TNIP3: variants seen among roughly 807,000 people sequenced by gnomAD.
TNIP3 encodes the protein TNFAIP3-interacting protein 3.
Under a neutral mutation model 54.1 loss-of-function variants are expected in TNIP3, and 34 were observed. The ratio of observed to expected loss-of-function variants is 0.63; its 90% confidence interval spans 0.48 to 0.84. The LOEUF is 0.84. Among genes scored for constraint, TNIP3 ranks in the 40% least tolerant of loss-of-function variants. The probability of loss-of-function intolerance (pLI) is 0.00; values close to 1 mark genes in which losing one functional copy is unlikely to be tolerated. For synonymous variants in TNIP3, 134 were observed against 136.8 expected, an observed-to-expected ratio of 0.98 and a Z score of 0.14; for missense variants, 366 against 387.6, an observed-to-expected ratio of 0.94 and a Z score of 0.47.
chr4:121,202,329 A>G (rs968542049), intron 2 of TNIP3, among the ~76,000 whole-genome samples: 9 of 152,202 alleles, frequency 5.9e-5, no homozygotes, highest in African/African-American at 2.2e-4. Context: ...CTCCCTATTC[A>G]ACAAATGGTG....
chr4:121,142,536 CTA>C (rs1310469026), intron 8 of TNIP3, among the ~76,000 whole-genome samples, 188 bp downstream of exon 8: 1 of 152,158 alleles, frequency 6.6e-6, no homozygotes, highest in African/African-American at 2.4e-5. Flanking sequence ...CATATGCTTT[CTA>C]TGAGTGTTAG....
At chr4:121,191,377 G>A (rs1725300947) in intron 2 of TNIP3, among the ~76,000 whole-genome samples, 1 of 152,086 alleles carries the variant, frequency 6.6e-6, no homozygotes, top group South Asian at 2.1e-4. Context: ...ATAAACACCT[G>A]GAAGAGAACA....
chr4:121,173,934 G>A (rs1277977037), intron 3 of TNIP3, among the ~76,000 whole-genome samples: 1 of 152,146 alleles, frequency 6.6e-6, no homozygotes, highest in Non-Finnish European at 1.5e-5. Flanking sequence ...CCTGACCAAT[G>A]TATGCATTCT....
chr4:121,188,547 T>C (rs1205134380), intron 2 of TNIP3, among the ~76,000 whole-genome samples: 1 of 152,214 alleles, frequency 6.6e-6, no homozygotes, highest in Non-Finnish European at 1.5e-5. Flanking sequence ...AATGTCATTG[T>C]TTAATGAGCT....
At chr4:121,165,540 C>T (rs1454405484), upstream of TNIP3, among the ~76,000 whole-genome samples, 2 of 152,094 alleles carry the variant, frequency 1.3e-5, no homozygotes, top group African/African-American at 2.4e-5. Context: ...ATCTCTGTGT[C>T]CACGCACCCA....
chr4:121,148,032 G>A (rs544412582), intron 6 of TNIP3, among the ~76,000 whole-genome samples: 6 of 152,286 alleles, frequency 3.9e-5, no homozygotes, highest in African/African-American at 1.2e-4. Context: ...CAGCCACATT[G>A]ACATTTTGAT....
intron 2 of TNIP3, among the ~76,000 whole-genome samples, chr4:121,199,155 CA>C (rs1036484297): frequency 2.6e-5 from 4 of 151,914 alleles, no homozygotes; most frequent in African/African-American, 9.7e-5. Context: ...TAATTCAAAA[CA>C]AAAAACAAAG....
intron 2 of TNIP3, among the ~76,000 whole-genome samples, chr4:121,209,428 T>C (rs1306980354): frequency 6.6e-6 from 1 of 152,148 alleles, no homozygotes; most frequent in East Asian, 1.9e-4. Context: ...TAACTTCTGG[T>C]AGTGTCAACA....
At chr4:121,191,191 G>T (rs920519962) in intron 2 of TNIP3, among the ~76,000 whole-genome samples, 2 of 152,142 alleles carry the variant, frequency 1.3e-5, no homozygotes, top group African/African-American at 4.8e-5. Context: ...TATAAGGAAT[G>T]CACAATCAAA....
upstream of TNIP3, among the ~76,000 whole-genome samples, chr4:121,220,436 C>T (rs554077129): frequency 1.2e-4 from 19 of 152,126 alleles, no homozygotes; most frequent in Non-Finnish European, 1.9e-4. Context: ...AATTTTAAGA[C>T]ATAAAGCAAT....
intron 3 of TNIP3, among the ~76,000 whole-genome samples, chr4:121,174,299 G>A (rs1194959631): frequency 1.3e-5 from 2 of 152,030 alleles, no homozygotes; most frequent in Non-Finnish European, 2.9e-5. Flanking sequence ...GACCACTTTG[G>A]GAGGCTGAGA....
chr4:121,140,323 G>A (rs1252281100), intron 9 of TNIP3, among the ~76,000 whole-genome samples: 2 of 151,570 alleles, frequency 1.3e-5, no homozygotes, highest in African/African-American at 4.9e-5. Flanking sequence ...GACAGAGCGA[G>A]ATGCCTTCTC....
upstream of TNIP3, among the ~76,000 whole-genome samples, chr4:121,219,341 C>G (rs1379689823): frequency 6.6e-6 from 1 of 152,194 alleles, no homozygotes; most frequent in African/African-American, 2.4e-5. Flanking sequence ...CCTCCTCCTC[C>G]TTTTCCTCTT....
intron 10 of TNIP3, among the ~76,000 whole-genome samples, chr4:121,137,143 C>A (rs1343139533): frequency 6.6e-6 from 1 of 152,064 alleles, no homozygotes; most frequent in African/African-American, 2.4e-5. Context: ...ATATAAATGA[C>A]CTTATGGTAT....
rs115130336 is a variant in TNIP3, at chr4:121,156,031, T to C, written c.363+1063A>G. Among the ~76,000 whole-genome samples, 887 of 152,274 alleles carry C rather than the reference T, an allele frequency of 5.8e-3. 12 individuals carry two copies. Among genetic ancestry groups the C allele is most frequent in the African/African-American group, 0.02 (849 of 41,544 alleles). On this transcript the variant is annotated intron_variant, in intron 4 of 10. Transcript: ENST00000057513. ...CCAACTGCATTGAGGGAAAAATTAC[T>C]CAGATTCCTGGCTAGAGTGTAATTG...
At chr4:121,164,031 C>T (rs768700780) in intron 1 of TNIP3, 29 bp downstream of exon 1, 30 of 1,610,570 alleles carry the variant, frequency 1.9e-5, no homozygotes, top group Non-Finnish European at 3.4e-6. Flanking sequence ...TAGATGTGAT[C>T]AACTCATCTC....
chr4:121,191,164 C>T (rs1009084435), intron 2 of TNIP3, among the ~76,000 whole-genome samples: 5 of 152,082 alleles, frequency 3.3e-5, no homozygotes, highest in Non-Finnish European at 5.9e-5. Context: ...ATTCTATTTT[C>T]ATGAAGAAGC....
Position 121,194,153 on chromosome 4 carries a change from T to C in TNIP3, c.69-11357A>G, listed in dbSNP as rs1725445007. On this transcript the variant is annotated intron_variant, in intron 2 of 12. Coordinates refer to the TNIP3 transcript ENST00000507879. ...ATTTTGATGGTTATCTTGTGGTATA[T>C]CCTTGTTTAAGGATACGCATACTAA... Among the ~76,000 whole-genome samples, 3 of 152,172 alleles carry C rather than the reference T, an allele frequency of 2.0e-5. No homozygotes were observed. In the South Asian group the frequency reaches 6.2e-4, roughly 31 times the overall value.
upstream of TNIP3, among the ~76,000 whole-genome samples, chr4:121,217,329 C>T (rs558648673): frequency 7.1e-4 from 108 of 152,200 alleles, no homozygotes; most frequent in African/African-American, 2.5e-3. Context: ...GCCAGTTTGT[C>T]TGAGTTTCAA....
Sources: gnomAD v4.1 joint callset for allele counts (sites outside exome capture counted in the v4.1 genomes callset) on GRCh38, gnomAD v4.1.1 for gene constraint, MANE v1.5 for transcripts, NCBI Gene and HGNC (gene_info 2026-07-23, HGNC 2026-07-21) for gene names.